CREB3L2: variants seen among roughly 807,000 people sequenced by gnomAD.
CREB3L2 encodes the protein cAMP responsive element binding protein 3 like 2.
In CREB3L2, 23 loss-of-function variants were observed where a neutral mutation model predicts 57.2. The ratio of observed to expected loss-of-function variants is 0.40; its 90% CI spans 0.29 to 0.57. The LOEUF (loss-of-function observed/expected upper bound fraction) is 0.57, where lower values mean the gene tolerates loss of function less well. CREB3L2 is among the 20% of genes least tolerant of loss of function. The probability of loss-of-function intolerance (pLI) is 0.42; values close to 1 mark genes in which losing one functional copy is unlikely to be tolerated. For synonymous variants in CREB3L2, 268 were observed against 265.1 expected (o/e 1.01, Z -0.11); for missense variants, 628 against 634.7 (o/e 0.99, Z 0.11).
chr7:137,906,628 T>C (rs1799896592), intron 5 of CREB3L2, among the ~76,000 whole-genome samples: 1 of 152,248 alleles, frequency 6.6e-6, no homozygotes, highest in Admixed American at 6.5e-5. Flanking sequence ...TGATATGGTT[T>C]GGCTCTGTGT....
chr7:137,942,463 G>A (rs1800895399), intron 1 of CREB3L2, among the ~76,000 whole-genome samples: 1 of 152,100 alleles, frequency 6.6e-6, no homozygotes, highest in Admixed American at 6.5e-5. Context: ...GCTTCTTTTG[G>A]GATAGTGGTA....
intron 1 of CREB3L2, among the ~76,000 whole-genome samples, chr7:137,979,728 AAACAACAACAACAAC>A (rs139819092): frequency 1.9e-4 from 29 of 150,490 alleles, no homozygotes; most frequent in East Asian, 1.8e-3. Context: ...TCCGTCTCAA[AAACAACAACAACAAC>A]AACAACAACA....
At chr7:137,986,047 G>A (rs767855907) in intron 1 of CREB3L2, among the ~76,000 whole-genome samples, 34 of 151,998 alleles carry the variant, frequency 2.2e-4, no homozygotes, top group Non-Finnish European at 4.3e-4. Context: ...CCCATCTAGC[G>A]GCCACAAACC....
In CREB3L2 at chr7:137,885,140, G is replaced by C; in HGVS notation, c.1144-19C>G. 1.9e-6 allele frequency: 3 copies of C among 1,613,388 alleles called. No individual in the cohort carries two copies. The highest frequency in any genetic ancestry group is 2.5e-6 in the Non-Finnish European group (3 of 1,179,692). On this transcript the variant is annotated intron_variant, in intron 9 of 11. Coordinates refer to ENST00000330387, the MANE Select transcript of CREB3L2 (RefSeq NM_194071.4). Reference sequence around the variant, plus strand: ...CCACAACCTGTGGGAGAGAAAGAGGGGAGAGAGAACACGAGGGGCTGTGGA... The same window carrying C: ...CCACAACCTGTGGGAGAGAAAGAGGCGAGAGAGAACACGAGGGGCTGTGGA...
Position 137,876,073 on chromosome 7 carries a change from T to C in CREB3L2, c.*4403A>G, listed in dbSNP as rs551064232. On this transcript the variant is annotated 3_prime_UTR_variant, in exon 12 of 12. Coordinates refer to ENST00000330387, the MANE Select transcript of CREB3L2 (RefSeq NM_194071.4). ...CTGGCTGGTTGTTTTTTTGATGTGA[T>C]TGCACTCCTGCAAACTGGGATTTTC... 41 of 231,560 alleles carry C rather than the reference T, an allele frequency of 1.8e-4. No homozygotes were observed. Among genetic ancestry groups the C allele is most frequent in the African/African-American group, 8.6e-4 (39 of 45,334 alleles). The allele number at this position is 231,560 out of a possible 1,614,324, so 14.3% of individuals were successfully genotyped here. A position where few individuals can be genotyped will look rare whatever the true frequency, so the allele number is the denominator to read the frequency against.
chr7:137,923,295 C>T (rs1322966478), intron 2 of CREB3L2, among the ~76,000 whole-genome samples: 1 of 152,116 alleles, frequency 6.6e-6, no homozygotes, highest in African/African-American at 2.4e-5. Flanking sequence ...AAAGGGGAAA[C>T]ATCACTATTG....
intron 1 of CREB3L2, among the ~76,000 whole-genome samples, chr7:137,943,289 T>C (rs970926160): frequency 2.6e-5 from 4 of 152,070 alleles, no homozygotes; most frequent in Non-Finnish European, 5.9e-5. Flanking sequence ...TAAGCCTGAG[T>C]CAATGTTCCC....
intron 8 of CREB3L2, among the ~76,000 whole-genome samples, chr7:137,886,113 T>G (rs930915965): frequency 1.3e-5 from 2 of 152,316 alleles, no homozygotes; most frequent in African/African-American, 4.8e-5. Flanking sequence ...CTTCCCAGCC[T>G]CCAGAACTGT....
chr7:137,963,795 T>C (rs1372092129), intron 1 of CREB3L2, among the ~76,000 whole-genome samples: 1 of 152,234 alleles, frequency 6.6e-6, no homozygotes, highest in Non-Finnish European at 1.5e-5. Context: ...TGATTTGTTT[T>C]TATAAGTTTA....
At chr7:137,953,626 C>A (rs1158646488) in intron 1 of CREB3L2, 2 of 815,434 alleles carry the variant, frequency 2.5e-6, no homozygotes, top group Non-Finnish European at 3.6e-6. Flanking sequence ...GTCCTTGTTT[C>A]ACTTGCATTG....
chr7:137,877,887 CA>C lies in CREB3L2; in HGVS notation c.*2588del. The C allele has an allele frequency of 4.4e-6, 1 of 228,638 alleles. No individual in the cohort carries two copies. The highest frequency in any genetic ancestry group is 8.7e-6 in the Non-Finnish European group (1 of 115,264). 14.2% of individuals were successfully genotyped at this position (228,638 alleles called of 1,614,324 possible). A position where few individuals can be genotyped will look rare whatever the true frequency, so the allele number is the denominator to read the frequency against. Reference sequence around the variant, plus strand: ...TATTTGGAACCAATCTGGTGCTATACAACTCTTCTGTGTCCTCTTGACCCCA... The same window carrying C: ...TATTTGGAACCAATCTGGTGCTATACACTCTTCTGTGTCCTCTTGACCCCA... On this transcript the variant is annotated 3_prime_UTR_variant, in exon 12 of 12. Transcript: ENST00000330387.
chr7:137,922,389 T>TATATATATATATAC (rs1563253156), intron 2 of CREB3L2, among the ~76,000 whole-genome samples: 6 of 13,598 alleles, frequency 4.4e-4, no homozygotes, highest in African/African-American at 2.5e-3. Flanking sequence ...TATATGTATA[T>TATATATATATATAC]ATATATATAT....
At chr7:137,985,450 G>A (rs890480685) in intron 1 of CREB3L2, among the ~76,000 whole-genome samples, 4 of 152,182 alleles carry the variant, frequency 2.6e-5, no homozygotes, top group Admixed American at 6.5e-5. Flanking sequence ...CCCAGGCCTC[G>A]TGGATGGAGA....
Position 137,908,345 on chromosome 7 carries a change from G to T in CREB3L2, c.675C>A (p.His225Gln), listed in dbSNP as rs1213476209. ...TGTGGGTCTGAGGCAGGCTGAAGGG[G>T]TGCAGGCGTGGGTTGGGACTCAGGC... ...EGSLSPNPRLHPFSLPQTHSP... is the reference protein window; with the variant it reads ...EGSLSPNPRLQPFSLPQTHSP... Residue 225 changes from histidine to glutamine, a missense_variant, in exon 5 of 12, where the codon CAC (histidine) becomes CAA (glutamine). Physicochemically the swap from His to Gln is conservative, Grantham distance 24. Transcript: ENST00000330387. The T allele has an allele frequency of 5.6e-6, 7 of 1,258,816 alleles. No homozygotes were observed. In the African/African-American group the frequency reaches 6.2e-5, roughly 11 times the overall value. The allele number at this position is 1,258,816 out of a possible 1,614,324, so 78.0% of individuals were successfully genotyped here. A position where few individuals can be genotyped will look rare whatever the true frequency, so the allele number is the denominator to read the frequency against.
chr7:137,937,949 T>C (rs1800819490), intron 1 of CREB3L2, among the ~76,000 whole-genome samples: 2 of 152,046 alleles, frequency 1.3e-5, no homozygotes, highest in Admixed American at 1.3e-4. Context: ...TGAGAGATGA[T>C]ATTTAAAGGA....
At chr7:137,936,314 T>C (rs1303704953) in intron 1 of CREB3L2, among the ~76,000 whole-genome samples, 1 of 152,202 alleles carries the variant, frequency 6.6e-6, no homozygotes, top group Non-Finnish European at 1.5e-5. Flanking sequence ...AGGCCTCTTT[T>C]GTGCACAGGC....
intron 1 of CREB3L2, among the ~76,000 whole-genome samples, chr7:137,960,483 A>G (rs1801299801): frequency 6.6e-6 from 1 of 152,234 alleles, no homozygotes; most frequent in African/African-American, 2.4e-5. Context: ...AAATTCCGTC[A>G]AAAGAGAATA....
At chr7:137,927,394 GGAGGGAAGGAAGGGAA>G (rs1800494997) in intron 2 of CREB3L2, among the ~76,000 whole-genome samples, 1 of 139,236 alleles carries the variant, frequency 7.2e-6, no homozygotes, top group African/African-American at 2.9e-5. Context: ...AGGGAGGGAA[GGAGGGAAGGAAGGGAA>G]GGGAAGGGAA....
At chr7:137,921,828 T>G (rs1296880491) in intron 2 of CREB3L2, among the ~76,000 whole-genome samples, 1 of 152,228 alleles carries the variant, frequency 6.6e-6, no homozygotes. Context: ...TCCACCTTTT[T>G]CTTTTCTTGC....
Sources: allele counts gnomAD v4.1 joint callset (sites outside exome capture counted in the v4.1 genomes callset), GRCh38; gene constraint gnomAD v4.1.1; transcripts MANE v1.5; gene names NCBI Gene and HGNC (gene_info 2026-07-23, HGNC 2026-07-21).